Variants in CUL2 observed in about 807,000 individuals in gnomAD.
The protein encoded by CUL2 is cullin-2.
Under a neutral mutation model 110.2 loss-of-function variants are expected in CUL2, and 22 were observed. The ratio of observed to expected loss-of-function variants is 0.20; its 90% confidence interval spans 0.14 to 0.28. CUL2 has a LOEUF of 0.28. Among genes scored for constraint, CUL2 ranks in the 10% least tolerant of loss-of-function variants. The probability of loss-of-function intolerance (pLI) is 1.00; values close to 1 mark genes in which losing one functional copy is unlikely to be tolerated. For synonymous variants in CUL2, 279 were observed against 293.2 expected, an observed-to-expected ratio of 0.95 and a Z score of 0.49; for missense variants, 631 against 905.5, an observed-to-expected ratio of 0.70 and a Z score of 3.89.
At chr10:35,117,642 G>T (rs2087625333) in intron 1 of CUL2, among the ~76,000 whole-genome samples, 1 of 151,934 alleles carries the variant, frequency 6.6e-6, no homozygotes, top group Non-Finnish European at 1.5e-5. Flanking sequence ...TTGGCACAAT[G>T]AATAGAAGAG....
intron 1 of CUL2, among the ~76,000 whole-genome samples, chr10:35,077,849 T>C (rs1434765497): frequency 6.6e-6 from 1 of 150,418 alleles, no homozygotes; most frequent in African/African-American, 2.4e-5. Flanking sequence ...ATAAAAATAA[T>C]ATTAAAAATA....
intron 1 of CUL2, among the ~76,000 whole-genome samples, chr10:35,119,560 T>TTTTATTTATTTATTTATTTATTTA (rs10589195): frequency 7.1e-6 from 1 of 140,692 alleles, no homozygotes; most frequent in Non-Finnish European, 1.5e-5. Flanking sequence ...TTAAAATTAA[T>TTTTATTTATTTATTTATTTATTTA]TTTATTTATT....
upstream of CUL2, among the ~76,000 whole-genome samples, chr10:35,093,659 C>CAAAAAAAAAAAA (rs58582764): frequency 7.4e-4 from 65 of 87,638 alleles, no homozygotes; most frequent in East Asian, 1.3e-3. Flanking sequence ...GACCTTCTCT[C>CAAAAAAAAAAAA]AAAAAAAAAA....
Position 35,021,863 on chromosome 10 carries a change from GGGTGGGGTGA to G in CUL2, c.1684+3259_1684+3268del, listed in dbSNP as rs1316604936. Among the ~76,000 whole-genome samples the G allele has an allele frequency of 9.9e-3, 606 of 61,258 alleles. 10 individuals carry two copies. Among genetic ancestry groups the G allele is most frequent in the East Asian group, 0.026 (51 of 1,990 alleles). 40.2% of individuals were successfully genotyped at this position (61,258 alleles called of 152,430 possible). A position where few individuals can be genotyped will look rare whatever the true frequency, so the allele number is the denominator to read the frequency against. Reference sequence around the variant, plus strand: ...AGGTGAGGTGAGGTGAGGTGAGGTGGGGTGGGGTGAGGTGGGGTGAGGTGGGGTGAGGTGG... The same window carrying G: ...AGGTGAGGTGAGGTGAGGTGAGGTGGGGTGGGGTGAGGTGGGGTGAGGTGG... On this transcript the variant is annotated intron_variant, in intron 17 of 20. Coordinates refer to ENST00000374749, the MANE Select transcript of CUL2 (RefSeq NM_003591.4).
intron 14 of CUL2, among the ~76,000 whole-genome samples, chr10:35,030,681 C>T (rs886735018): frequency 7.2e-5 from 11 of 152,158 alleles, no homozygotes; most frequent in Non-Finnish European, 1.3e-4. Context: ...CCACACCTGG[C>T]CAACACTACT....
chr10:35,063,642 C>T (rs1342103082), intron 2 of CUL2, among the ~76,000 whole-genome samples: 1 of 151,984 alleles, frequency 6.6e-6, no homozygotes, highest in African/African-American at 2.4e-5. Context: ...CTAAGTCTCA[C>T]CGGAGGTAGA....
intron 4 of CUL2, among the ~76,000 whole-genome samples, chr10:35,055,324 A>T (rs2086215725): frequency 6.6e-6 from 1 of 152,234 alleles, no homozygotes; most frequent in South Asian, 2.1e-4. Flanking sequence ...CTATACATGA[A>T]TATATACACT....
At chr10:35,093,659 C>CAAAAAAAAA (rs58582764), upstream of CUL2, among the ~76,000 whole-genome samples, 192 of 87,346 alleles carry the variant, frequency 2.2e-3, no homozygotes, top group Non-Finnish European at 2.7e-3. Flanking sequence ...GACCTTCTCT[C>CAAAAAAAAA]AAAAAAAAAA....
intron 1 of CUL2, among the ~76,000 whole-genome samples, chr10:35,113,140 G>A (rs2087541501): frequency 8.0e-6 from 1 of 125,166 alleles, no homozygotes; most frequent in Non-Finnish European, 1.6e-5. Context: ...CTGAGACCGA[G>A]CCACTGCACT....
At chr10:35,037,770 G>A (rs1251097011) in intron 9 of CUL2, among the ~76,000 whole-genome samples, 1 of 152,156 alleles carries the variant, frequency 6.6e-6, no homozygotes, top group Non-Finnish European at 1.5e-5. Flanking sequence ...TTGAACCCAG[G>A]AGGCAGAGGT....
chr10:35,024,888 A>C, intron 17 of CUL2, among the ~76,000 whole-genome samples: 1 of 152,174 alleles, frequency 6.6e-6, no homozygotes, highest in East Asian at 1.9e-4. Context: ...TGGCTAGAGA[A>C]ATGTAATAAA....
At chr10:35,079,039 C>T (rs1226312297) in intron 1 of CUL2, among the ~76,000 whole-genome samples, 5 of 152,138 alleles carry the variant, frequency 3.3e-5, no homozygotes, top group Non-Finnish European at 7.4e-5. Context: ...AGTCCCCTGC[C>T]TTATCCAAGG....
chr10:35,015,317 A>G (rs990069417), intron 18 of CUL2, among the ~76,000 whole-genome samples: 2 of 151,692 alleles, frequency 1.3e-5, no homozygotes, highest in South Asian at 2.1e-4. Flanking sequence ...AAAAATCCAT[A>G]TTTTGCTAAG....
At chr10:35,103,582 C>A (rs1214126865) in intron 1 of CUL2, among the ~76,000 whole-genome samples, 3 of 151,956 alleles carry the variant, frequency 2.0e-5, no homozygotes, top group African/African-American at 7.2e-5. Flanking sequence ...CTCGGCCTCC[C>A]AAAGTGCTGG....
At chr10:35,034,574 T>G (rs1053608932) in intron 10 of CUL2, among the ~76,000 whole-genome samples, 1 of 152,180 alleles carries the variant, frequency 6.6e-6, no homozygotes, top group Non-Finnish European at 1.5e-5. Context: ...TCTCTCTTGC[T>G]CATCAAACAT....
Position 35,018,147 on chromosome 10 carries a change from C to T in CUL2, c.1685-1753G>A, listed in dbSNP as rs568804739. On this transcript the variant is annotated intron_variant, in intron 17 of 20. Transcript: ENST00000374749. Reference sequence around the variant, plus strand: ...CAAAAAAAAAAAAAAACTAGCAGGGCGCAGTGGCGGACACCTGTAATCCCA... The same window carrying T: ...CAAAAAAAAAAAAAAACTAGCAGGGTGCAGTGGCGGACACCTGTAATCCCA... Among the ~76,000 whole-genome samples the T allele has an allele frequency of 5.4e-4, 80 of 148,630 alleles. No individual in the cohort carries two copies. In the South Asian group the frequency reaches 0.015, roughly 28 times the overall value.
In CUL2 at chr10:35,031,248, T is replaced by C; in HGVS notation, c.1386+52A>G. On this transcript the variant is annotated intron_variant, in intron 14 of 20. Transcript: ENST00000374749. This position sits in a 1 kb window ranked among gnomAD's most constrained non-coding sequence, Gnocchi z 4.4. ...CACAATGCTGCAATGAACATCTTTA[T>C]GTGCTTGTGAATGAATTTCTAGGAC... The C allele has an allele frequency of 2.6e-6, 3 of 1,138,154 alleles. No individual in the cohort carries two copies. Among genetic ancestry groups the C allele is most frequent in the South Asian group, 2.9e-5 (2 of 69,816 alleles). 70.5% of individuals were successfully genotyped at this position (1,138,154 alleles called of 1,614,324 possible). A position where few individuals can be genotyped will look rare whatever the true frequency, so the allele number is the denominator to read the frequency against.
chr10:35,035,032 TAA>T, intron 10 of CUL2, 138 bp downstream of exon 10: 2 of 1,048,010 alleles, frequency 1.9e-6, no homozygotes, highest in East Asian at 5.2e-5. Flanking sequence ...ATTCTAGGTT[TAA>T]AACATTTGAA....
intron 1 of CUL2, among the ~76,000 whole-genome samples, chr10:35,088,857 C>T (rs1421284398): frequency 2.0e-5 from 3 of 152,114 alleles, no homozygotes. Flanking sequence ...AACTCATAAA[C>T]AGCAATTGAA....
Sources: gnomAD v4.1 joint callset for allele counts (sites outside exome capture counted in the v4.1 genomes callset) on GRCh38, gnomAD v4.1.1 for gene constraint, Gnocchi (gnomAD v3.1) non-coding constraint, MANE v1.5 for transcripts, NCBI Gene and HGNC (gene_info 2026-07-23, HGNC 2026-07-21) for gene names.